Variants in MED13L observed in about 807,000 individuals in gnomAD.
The protein encoded by MED13L is mediator complex subunit 13L.
MED13L carries 7 observed loss-of-function variants against 220.9 expected under a neutral mutation model. That is an observed-to-expected ratio of 0.03 (90% CI 0.02 to 0.06). The LOEUF is 0.06. MED13L is among the 10% of genes least tolerant of loss of function. MED13L has a pLI of 1.00. For missense variants in MED13L, 1,965 were observed against 2,760.5 expected (o/e 0.71, Z 6.46); for synonymous variants, 1,011 against 1,015.2 (o/e 1.00, Z 0.08).
At chr12:116,240,897 AAAG>A (rs1478080759) in intron 1 of MED13L, among the ~76,000 whole-genome samples, 1 of 152,186 alleles carries the variant, frequency 6.6e-6, no homozygotes, top group African/African-American at 2.4e-5. Flanking sequence ...ACAAAAATAA[AAAG>A]AAGTTGAAAT....
At chr12:116,090,389 TAAA>T (rs1565872230) in intron 4 of MED13L, among the ~76,000 whole-genome samples, 1 of 152,198 alleles carries the variant, frequency 6.6e-6, no homozygotes, top group Non-Finnish European at 1.5e-5. Context: ...CATGTTCTTT[TAAA>T]ATTTTCCAAC....
intron 4 of MED13L, among the ~76,000 whole-genome samples, chr12:116,036,456 T>C (rs1881201010): frequency 6.6e-6 from 1 of 152,254 alleles, no homozygotes; most frequent in Non-Finnish European, 1.5e-5. Context: ...TACAATATTC[T>C]AAATCCTCTA....
At chr12:116,098,634 G>A (rs1026386400) in intron 3 of MED13L, among the ~76,000 whole-genome samples, 10 of 152,146 alleles carry the variant, frequency 6.6e-5, no homozygotes, top group East Asian at 3.9e-4. Context: ...CAGTCAATTC[G>A]GAGAACCAAT....
chr12:116,202,348 A>G (rs530970124), intron 2 of MED13L, among the ~76,000 whole-genome samples: 2 of 152,358 alleles, frequency 1.3e-5, no homozygotes, highest in East Asian at 1.9e-4. Flanking sequence ...TTTGGCAGAT[A>G]TAAGTACCCT....
At chr12:116,052,612 G>A (rs1353288481) in intron 4 of MED13L, among the ~76,000 whole-genome samples, 1 of 152,092 alleles carries the variant, frequency 6.6e-6, no homozygotes, top group Non-Finnish European at 1.5e-5. Context: ...TTAAATGTCA[G>A]TTAGTTAAGA....
chr12:116,174,106 A>G (rs1411255886), intron 2 of MED13L, among the ~76,000 whole-genome samples: 3 of 152,166 alleles, frequency 2.0e-5, no homozygotes, highest in Non-Finnish European at 4.4e-5. Context: ...TCAATCAATA[A>G]AAATAAAAAC....
At chr12:116,038,316 A>G (rs1341193301) in intron 4 of MED13L, among the ~76,000 whole-genome samples, 1 of 152,112 alleles carries the variant, frequency 6.6e-6, no homozygotes, top group Non-Finnish European at 1.5e-5. Context: ...CTAAGGCATT[A>G]TATATCACTG....
intron 1 of MED13L, among the ~76,000 whole-genome samples, chr12:116,248,226 T>C (rs1002818042): frequency 2.0e-5 from 3 of 152,244 alleles, no homozygotes; most frequent in African/African-American, 7.2e-5. Flanking sequence ...ATTCTGAAGT[T>C]ATTTAGTCTT....
chr12:116,016,076 T>C (rs1445731623), intron 7 of MED13L, among the ~76,000 whole-genome samples: 1 of 152,154 alleles, frequency 6.6e-6, no homozygotes, highest in Admixed American at 6.5e-5. Context: ...ATAAGACAAA[T>C]ACTAAAGTCA....
Position 115,984,922 on chromosome 12 carries a change from C to T in MED13L, c.4339-550G>A, listed in dbSNP as rs569867471. 3.3e-5 allele frequency among the ~76,000 whole-genome samples: 5 copies of T among 151,624 alleles called. No homozygotes were observed. In the East Asian group the frequency reaches 5.8e-4, roughly 18 times the overall value. On this transcript the variant is annotated intron_variant, in intron 19 of 30. Coordinates refer to ENST00000281928, the MANE Select transcript of MED13L (RefSeq NM_015335.5). ...GAGATTCTGCTATTAATCTCCATGA[C>T]GCTAAATGGGTGCTTATGGCAGGGA...
rs1878039109 is a variant in MED13L, at chr12:115,991,219, G to A, written c.3735C>T (p.Tyr1245=). 1 of 1,614,222 alleles carries A rather than the reference G, an allele frequency of 6.2e-7. No individual in the cohort carries two copies. ...GAGTTTGGCGATTGTTAGAGGAAATGTAGTCCAGGAAATTCAGTGAAGCAA... is the reference window on the plus strand; with the variant it reads ...GAGTTTGGCGATTGTTAGAGGAAATATAGTCCAGGAAATTCAGTGAAGCAA... The part of the protein sequence containing the change: ...QPFASLNFLD[Y]ISSNNRQTLP... The change falls in exon 17 of 31, where the codon TAC becomes TAT. Residue 1245 remains tyrosine (Y), a synonymous_variant. Transcript: ENST00000281928. The surrounding 1 kb of genome is among the most constrained non-coding windows in gnomAD (Gnocchi z 7.7).
intron 2 of MED13L, among the ~76,000 whole-genome samples, chr12:116,234,980 A>G (rs186025767): frequency 2.0e-4 from 31 of 152,286 alleles, no homozygotes; most frequent in Non-Finnish European, 3.5e-4. Context: ...TATTTTACCC[A>G]AAATAAAATG....
intron 1 of MED13L, among the ~76,000 whole-genome samples, chr12:116,243,955 T>G (rs1018707177): frequency 4.6e-5 from 7 of 152,156 alleles, no homozygotes; most frequent in Non-Finnish European, 1.0e-4. Context: ...AACTTGTAAA[T>G]GAGATGGAAC....
In MED13L at chr12:115,987,985, C is replaced by T. The variant is rs747468209; in HGVS notation, c.3935-697G>A. 1.9e-4 allele frequency among the ~76,000 whole-genome samples: 29 copies of T among 152,218 alleles called. 1 individual carries two copies. Among genetic ancestry groups the T allele is most frequent in the East Asian group, 5.8e-4 (3 of 5,172 alleles). ...AACTGTGCAAGCACGCTTGGACATA[C>T]GTATTTTTTTCTCAGGATGGAGGGT... On this transcript the variant is annotated intron_variant, in intron 17 of 30. Transcript: ENST00000281928.
In MED13L at chr12:116,220,261, G is replaced by A. The variant is rs187147430; in HGVS notation, c.310+17207C>T. Among the ~76,000 whole-genome samples, 65 of 152,182 alleles carry A rather than the reference G, an allele frequency of 4.3e-4. 1 individual carries two copies. In the South Asian group the frequency reaches 0.013, roughly 31 times the overall value. ...TAAAATCTCCATAAAATAATAATCT[G>A]AATTACTATTTAAATTAATATTTAC... On this transcript the variant is annotated intron_variant, in intron 2 of 30. Transcript: ENST00000281928.
chr12:116,158,997 T>G (rs578111867), intron 2 of MED13L, among the ~76,000 whole-genome samples: 9 of 152,176 alleles, frequency 5.9e-5, no homozygotes, highest in Non-Finnish European at 1.3e-4. Context: ...CTTAACATCT[T>G]ATTCTCTAGG....
At chr12:116,013,018 T>C (rs1399389786) in intron 8 of MED13L, 117 bp from the exon 9 acceptor site, 1 of 752,554 alleles carries the variant, frequency 1.3e-6, no homozygotes, top group Admixed American at 2.0e-5. Context: ...TGCTGACATG[T>C]AGTTCAGAGC....
At chr12:116,055,373 A>C (rs1023512886) in intron 4 of MED13L, among the ~76,000 whole-genome samples, 1 of 152,260 alleles carries the variant, frequency 6.6e-6, no homozygotes. Flanking sequence ...CAAGTCGGAT[A>C]ATTAAAATAG....
At chr12:116,263,571 G>A (rs1053332166) in intron 1 of MED13L, among the ~76,000 whole-genome samples, 20 of 152,196 alleles carry the variant, frequency 1.3e-4, no homozygotes, top group South Asian at 2.1e-4. Context: ...GTGTGGGCTA[G>A]CTACTAGCTA....
Sources: allele counts gnomAD v4.1 joint callset (sites outside exome capture counted in the v4.1 genomes callset), GRCh38; gene constraint gnomAD v4.1.1; non-coding constraint Gnocchi (gnomAD v3.1); transcripts MANE v1.5; gene names NCBI Gene and HGNC (gene_info 2026-07-23, HGNC 2026-07-21).